CDKAL1: variants seen among roughly 807,000 people sequenced by gnomAD.
The protein encoded by CDKAL1 is CDKAL1 threonylcarbamoyladenosine tRNA methylthiotransferase.
In CDKAL1, 32 loss-of-function variants were observed where a neutral mutation model predicts 68.2. The ratio of observed to expected loss-of-function variants is 0.47; its 90% CI spans 0.35 to 0.63. The LOEUF (loss-of-function observed/expected upper bound fraction) is 0.63, where lower values mean the gene tolerates loss of function less well. Ranked by LOEUF, CDKAL1 falls within the 30% of genes least tolerant of loss-of-function variation. The pLI, the probability that CDKAL1 is intolerant of heterozygous loss-of-function variation, is 0.00. For missense variants in CDKAL1, 606 were observed against 696.7 expected, an observed-to-expected ratio of 0.87 and a Z score of 1.47; for synonymous variants, 234 against 244.3, an observed-to-expected ratio of 0.96 and a Z score of 0.39.
At chr6:20,792,011 G>A (rs1237934135) in intron 8 of CDKAL1, among the ~76,000 whole-genome samples, 4 of 151,674 alleles carry the variant, frequency 2.6e-5, no homozygotes, top group Admixed American at 6.6e-5. Flanking sequence ...AACTTGTGTA[G>A]CCCAACTTTA....
At chr6:21,012,040 T>G (rs1317301554) in intron 11 of CDKAL1, among the ~76,000 whole-genome samples, 1 of 152,188 alleles carries the variant, frequency 6.6e-6, no homozygotes, top group African/African-American at 2.4e-5. Context: ...AGGATTGAAC[T>G]TTCATCTCAT....
rs531609064 is a variant in CDKAL1, at chr6:20,892,019, C to A, written c.742+45841C>A. Reference sequence around the variant, plus strand: ...CTCTTCTGCACTTGTGCAACTTGTTCTTGTTGCATATATATCTGTATTAAA... The same window carrying A: ...CTCTTCTGCACTTGTGCAACTTGTTATTGTTGCATATATATCTGTATTAAA... On this transcript the variant is annotated intron_variant, in intron 9 of 15. Coordinates refer to ENST00000274695, the MANE Select transcript of CDKAL1 (RefSeq NM_017774.3). Among the ~76,000 whole-genome samples, 3 of 151,844 alleles carry A rather than the reference C, an allele frequency of 2.0e-5. No homozygotes were observed. In the South Asian group the frequency reaches 6.3e-4, roughly 32 times the overall value.
chr6:20,766,519 T>G (rs1774711008), intron 7 of CDKAL1, among the ~76,000 whole-genome samples: 1 of 152,216 alleles, frequency 6.6e-6, no homozygotes. Context: ...CATCTTTCTT[T>G]GTTTAACTAT....
intron 11 of CDKAL1, among the ~76,000 whole-genome samples, chr6:21,038,491 A>T (rs1769715223): frequency 6.6e-6 from 1 of 152,170 alleles, no homozygotes; most frequent in South Asian, 2.1e-4. Context: ...GAAAGCAAAA[A>T]TTTTTTACAA....
rs562505454 is a variant in CDKAL1 at position 20,832,450 on chromosome 6, A to G, written c.639-13625A>G. 2.6e-5 allele frequency among the ~76,000 whole-genome samples: 4 copies of G among 152,094 alleles called. No homozygotes were observed. In the East Asian group the frequency reaches 7.7e-4, roughly 29 times the overall value. On this transcript the variant is annotated intron_variant, in intron 8 of 15. Transcript: ENST00000274695. ...AAAGCAATTTGTTAGCCTGGTTAAC[A>G]TAGTGAGACCCTGTCTCTAATTAAA... is the stretch of plus-strand genomic sequence containing the variant.
intron 8 of CDKAL1, among the ~76,000 whole-genome samples, chr6:20,829,081 G>A (rs1052419270): frequency 6.6e-6 from 1 of 152,126 alleles, no homozygotes; most frequent in African/African-American, 2.4e-5. Flanking sequence ...GCATACATCT[G>A]TTGATTGACA....
At chr6:20,993,455 G>A (rs1766945317) in intron 10 of CDKAL1, 1 of 152,122 alleles carries the variant, frequency 6.6e-6, no homozygotes. Flanking sequence ...TATTGGTGTG[G>A]ATGTAAACGC....
intron 13 of CDKAL1, among the ~76,000 whole-genome samples, chr6:21,166,465 C>T (rs1182671765): frequency 6.6e-6 from 1 of 152,044 alleles, no homozygotes; most frequent in Non-Finnish European, 1.5e-5. Context: ...ATGCCAGGCA[C>T]GAAATGGCAT....
intron 9 of CDKAL1, among the ~76,000 whole-genome samples, chr6:20,847,468 A>G (rs1243893136): frequency 6.6e-6 from 1 of 152,248 alleles, no homozygotes; most frequent in Non-Finnish European, 1.5e-5. Flanking sequence ...TAGATGATCT[A>G]TCTACCAAAC....
At chr6:20,945,331 G>T (rs929393807) in intron 9 of CDKAL1, among the ~76,000 whole-genome samples, 2 of 152,036 alleles carry the variant, frequency 1.3e-5, no homozygotes, top group African/African-American at 4.8e-5. Flanking sequence ...TGCTACATAT[G>T]ATGCAAATTT....
At chr6:20,952,477 G>T (rs1176223982) in intron 9 of CDKAL1, among the ~76,000 whole-genome samples, 2 of 152,190 alleles carry the variant, frequency 1.3e-5, no homozygotes, top group South Asian at 2.1e-4. Context: ...ACGTTAGTCA[G>T]TGTCCCCTTG....
chr6:20,649,273 T>C lies in CDKAL1; in HGVS notation c.287-20T>C. The C allele has an allele frequency of 1.3e-6, 2 of 1,553,652 alleles. No homozygotes were observed. The highest frequency in any genetic ancestry group is 1.7e-4 in the Middle Eastern group (1 of 5,938). ...TTAAGTGTGCTACTTACTTCTTTTT[T>C]GTGTTCATTTTTTTAATAGAAAATG... On this transcript the variant is annotated intron_variant, in intron 4 of 15. Coordinates refer to ENST00000274695, the MANE Select transcript of CDKAL1 (RefSeq NM_017774.3).
At chr6:20,918,840 C>T (rs1287754491) in intron 9 of CDKAL1, among the ~76,000 whole-genome samples, 1 of 152,154 alleles carries the variant, frequency 6.6e-6, no homozygotes, top group Non-Finnish European at 1.5e-5. Flanking sequence ...TTGTGTTTGT[C>T]CCTATAAGAT....
intron 8 of CDKAL1, among the ~76,000 whole-genome samples, chr6:20,807,810 G>T (rs1012150042): frequency 2.0e-5 from 3 of 152,098 alleles, no homozygotes; most frequent in African/African-American, 4.8e-5. Flanking sequence ...TTCCAAATTT[G>T]CAGCAGATAA....
intron 5 of CDKAL1, among the ~76,000 whole-genome samples, chr6:20,694,103 G>T (rs1297631678): frequency 6.7e-6 from 1 of 149,086 alleles, no homozygotes; most frequent in Non-Finnish European, 1.5e-5. Context: ...TATGTAGGTG[G>T]TTGGTATAGA....
At chr6:20,988,648 TTTTA>T (rs1289236324) in intron 10 of CDKAL1, among the ~76,000 whole-genome samples, 1 of 151,856 alleles carries the variant, frequency 6.6e-6, no homozygotes, top group East Asian at 1.9e-4. Flanking sequence ...TTGTTTCTAT[TTTTA>T]TTTATTTATT....
rs565761915 is a variant in CDKAL1 at position 21,113,701 on chromosome 6, T to C, written c.1299+5238T>C. 2.0e-4 allele frequency among the ~76,000 whole-genome samples: 30 copies of C among 151,344 alleles called. No individual in the cohort carries two copies. The South Asian group carries it at 6.3e-3, about 32-fold the overall frequency. On this transcript the variant is annotated intron_variant, in intron 13 of 15. Coordinates refer to ENST00000274695, the MANE Select transcript of CDKAL1 (RefSeq NM_017774.3). ...CCAGGCCGGTCTCGAACTCCTGACC[T>C]CAGGTGATCCACCCGCCTCAGCCTC...
chr6:20,911,176 A>G (rs1762453609), intron 9 of CDKAL1, among the ~76,000 whole-genome samples: 1 of 152,228 alleles, frequency 6.6e-6, no homozygotes, highest in African/African-American at 2.4e-5. Flanking sequence ...ATAACGAGTA[A>G]GTTAGGCACT....
intron 12 of CDKAL1, among the ~76,000 whole-genome samples, chr6:21,071,737 A>T (rs1771777599): frequency 6.6e-6 from 1 of 151,900 alleles, no homozygotes; most frequent in Non-Finnish European, 1.5e-5. Flanking sequence ...GGAGGATTTT[A>T]TTTTGCTTCT....
Sources: gnomAD v4.1 joint callset for allele counts (sites outside exome capture counted in the v4.1 genomes callset) on GRCh38, gnomAD v4.1.1 for gene constraint, MANE v1.5 for transcripts, NCBI Gene and HGNC (gene_info 2026-07-23, HGNC 2026-07-21) for gene names.